Variants in PARVG observed in about 807,000 individuals in gnomAD.
PARVG encodes the protein parvin gamma, also known as gamma-parvin.
PARVG carries 36 observed loss-of-function variants against 44.4 expected under a neutral mutation model. The ratio of observed to expected loss-of-function variants is 0.81; its 90% CI spans 0.62 to 1.07. The LOEUF (loss-of-function observed/expected upper bound fraction) is 1.07. PARVG is among the 50% of genes least tolerant of loss of function. PARVG has a pLI of 0.00. For synonymous variants in PARVG, 170 were observed against 174.1 expected (o/e 0.98, Z 0.19); for missense variants, 407 against 407.4 (o/e 1.00, Z 0.01).
At chr22:44,181,472 C>T in intron 1 of PARVG, 1 of 875,908 alleles carries the variant, frequency 1.1e-6, no homozygotes. Context: ...GGAGGCCAGG[C>T]TGACAGGGTG....
At chr22:44,181,385 C>A in intron 1 of PARVG, 200 bp downstream of exon 1, 1 of 985,242 alleles carries the variant, frequency 1.0e-6, no homozygotes, top group Non-Finnish European at 1.2e-6. Flanking sequence ...GAGTCTCCTG[C>A]GTGGTCCCGG....
At chr22:44,183,160 C>T in intron 2 of PARVG, 158 bp from the exon 3 acceptor site, 1 of 613,628 alleles carries the variant, frequency 1.6e-6, no homozygotes, top group South Asian at 2.3e-5. Flanking sequence ...GGCTCTTTCT[C>T]ACAGGGCCCG....
At position 44,181,255 on chromosome 22, in the gene PARVG, C is replaced by T. The variant is rs181372094; in HGVS notation, c.-189+70C>T. 23 of 808,238 alleles carry T rather than the reference C, an allele frequency of 2.8e-5. No homozygotes were observed. The East Asian group carries it at 1.4e-3, about 49-fold the overall frequency. 50.1% of individuals were successfully genotyped at this position (808,238 alleles called of 1,614,324 possible). On this transcript the variant is annotated intron_variant, in intron 1 of 13. Transcript: ENST00000444313. ...TTTTATTTTAAGAGCTATTGGGTGCCGTTGGTGGGTTTGAGTGAGTGGGGT... is the reference window on the plus strand; with the variant it reads ...TTTTATTTTAAGAGCTATTGGGTGCTGTTGGTGGGTTTGAGTGAGTGGGGT...
chr22:44,194,689 T>C (rs941185835), intron 9 of PARVG, among the ~76,000 whole-genome samples: 1 of 151,208 alleles, frequency 6.6e-6, no homozygotes, highest in Non-Finnish European at 1.5e-5. Context: ...CATCCATCCA[T>C]CCACCCACCC....
chr22:44,191,939 C>A, intron 7 of PARVG, 110 bp from the exon 8 acceptor site: 3 of 1,249,018 alleles, frequency 2.4e-6, no homozygotes, highest in Non-Finnish European at 3.4e-6. Flanking sequence ...GACAATTAAG[C>A]CAGAGGCTGT....
chr22:44,198,573 T>C, intron 11 of PARVG, 48 bp from the exon 12 acceptor site: 1 of 1,428,228 alleles, frequency 7.0e-7, no homozygotes, highest in East Asian at 2.3e-5. Context: ...CAGAGTGGGC[T>C]TCGCCAGGCT....
At chr22:44,190,766 C>G in intron 7 of PARVG, 100 bp downstream of exon 7, 3 of 1,015,454 alleles carry the variant, frequency 3.0e-6, no homozygotes, top group South Asian at 1.3e-5. Context: ...GCGGGGCTGA[C>G]CCAGGGTGAG....
intron 6 of PARVG, among the ~76,000 whole-genome samples, chr22:44,189,827 G>A (rs2054524157): frequency 1.3e-5 from 2 of 152,216 alleles, no homozygotes; most frequent in Admixed American, 1.3e-4. Flanking sequence ...TGAGGCAGGA[G>A]AATCGCTTGA....
rs2054580541 is a variant in PARVG, at chr22:44,193,705, C to A, written c.561-96C>A. The A allele has an allele frequency of 2.7e-6, 4 of 1,498,914 alleles. No homozygotes were observed. The South Asian group carries it at 3.6e-5, about 14-fold the overall frequency. The allele number at this position is 1,498,914 out of a possible 1,614,324, so 92.9% of individuals were successfully genotyped here. A position where few individuals can be genotyped will look rare whatever the true frequency, so the allele number is the denominator to read the frequency against. On this transcript the variant is annotated intron_variant, in intron 8 of 13. Transcript: ENST00000444313. ...CACAAGCATGCCAGTTTCTTTGCAA[C>A]CTTGCCAGCACTGAGGCTTGTCATA...
chr22:44,183,347 G>T lies in PARVG; in HGVS notation c.18G>T (p.Leu6Phe). ...GGGAGGCGATGGAGCCGGAGTTCTT[G>T]TACGACCTGCTGCAGCTCCCCAAGG... MEPEF[L>F]YDLLQLPKGV... Residue 6 changes from leucine (L) to phenylalanine (F), a missense_variant, in exon 3 of 14, where the codon TTG becomes TTT. By Grantham distance (22) the Leu-to-Phe change is conservative. Coordinates refer to ENST00000444313, the MANE Select transcript of PARVG (RefSeq NM_022141.7). 1 of 1,610,324 alleles carries T rather than the reference G, an allele frequency of 6.2e-7. No individual in the cohort carries two copies. Among genetic ancestry groups the T allele is most frequent in the Non-Finnish European group, 8.5e-7 (1 of 1,178,962 alleles).
chr22:44,175,168 A>C (rs1031066894), intron 1 of PARVG, among the ~76,000 whole-genome samples: 7 of 152,342 alleles, frequency 4.6e-5, no homozygotes, highest in African/African-American at 1.7e-4. Flanking sequence ...AGGCCAATGC[A>C]CTGGTGTGAG....
At chr22:44,187,694 G>A (rs542320522) in intron 4 of PARVG, 82 bp from the exon 5 acceptor site, 154 of 1,316,438 alleles carry the variant, frequency 1.2e-4, no homozygotes, top group Non-Finnish European at 1.5e-4. Flanking sequence ...GTTGGCAGGC[G>A]AGAGGCAGGC....
At chr22:44,195,519 A>G (rs1209786230) in intron 9 of PARVG, among the ~76,000 whole-genome samples, 1 of 152,240 alleles carries the variant, frequency 6.6e-6, no homozygotes. Context: ...CATTAGCCTG[A>G]GGACATGGGC....
At chr22:44,191,388 A>ATTTTT (rs35954868) in intron 7 of PARVG, among the ~76,000 whole-genome samples, 4 of 63,470 alleles carry the variant, frequency 6.3e-5, no homozygotes, top group East Asian at 6.0e-4. Context: ...AGTCATTTCT[A>ATTTTT]TTTTTTTTTT....
At position 44,187,835 on chromosome 22, in the gene PARVG, G is replaced by A; in HGVS notation, c.204G>A (p.Leu68=). The change falls in exon 5 of 14, where the codon CTG becomes CTA. Residue 68 remains leucine (L), a synonymous_variant. Transcript: ENST00000444313. ...LLPEHIVVRS[L]EEDMFDGLIL... ...CCGAGCACATTGTGGTCCGCAGCCT[G>A]GAGGAGGACATGTTCGACGGGCTCA... 1.2e-6 allele frequency: 2 copies of A among 1,614,250 alleles called. No individual in the cohort carries two copies. The highest frequency in any genetic ancestry group is 1.7e-6 in the Non-Finnish European group (2 of 1,180,048).
At chr22:44,198,849 T>C in intron 12 of PARVG, 127 bp downstream of exon 12, 1 of 689,212 alleles carries the variant, frequency 1.5e-6, no homozygotes, top group Non-Finnish European at 2.5e-6. Context: ...TATTTGTCTA[T>C]ATGTCTGCCT....
At chr22:44,183,472 C>T in intron 3 of PARVG, 64 bp downstream of exon 3, 1 of 1,446,568 alleles carries the variant, frequency 6.9e-7, no homozygotes, top group Non-Finnish European at 9.2e-7. Context: ...TGAGCCTGGC[C>T]ATGCCTGGGA....
At chr22:44,177,911 A>G (rs2054334164), upstream of PARVG, among the ~76,000 whole-genome samples, 1 of 152,192 alleles carries the variant, frequency 6.6e-6, no homozygotes, top group African/African-American at 2.4e-5. Flanking sequence ...TCAAATTTGT[A>G]CACTAAAAAA....
intron 6 of PARVG, among the ~76,000 whole-genome samples, chr22:44,189,551 C>T (rs1033793922): frequency 2.6e-5 from 4 of 152,174 alleles, no homozygotes; most frequent in Non-Finnish European, 4.4e-5. Context: ...GTTCCAAGTA[C>T]CGTGGTCCGC....
Sources: allele counts gnomAD v4.1 joint callset (sites outside exome capture counted in the v4.1 genomes callset), GRCh38; gene constraint gnomAD v4.1.1; transcripts MANE v1.5; gene names NCBI Gene and HGNC (gene_info 2026-07-23, HGNC 2026-07-21).